AFG2B: variants seen among roughly 807,000 people sequenced by gnomAD.
The protein encoded by AFG2B is ATPase family gene 2 protein homolog B.
the AFG2B span, among the ~76,000 whole-genome samples, chr15:45,406,448 A>G: frequency 1.6e-4 from 25 of 152,190 alleles, no homozygotes; most frequent in Admixed American, 1.6e-3. Flanking sequence ...TAGTGGGAGA[A>G]ATAAGCTTTT....
the AFG2B span, among the ~76,000 whole-genome samples, chr15:45,420,044 C>T: frequency 6.9e-6 from 1 of 145,514 alleles, no homozygotes; most frequent in African/African-American, 2.5e-5. Flanking sequence ...GAACCACTCT[C>T]CTGACTAACA....
At chr15:45,416,492 A>G in the AFG2B span, among the ~76,000 whole-genome samples, 1 of 151,946 alleles carries the variant, frequency 6.6e-6, no homozygotes, top group African/African-American at 2.4e-5. Flanking sequence ...TTCTTTTCCT[A>G]TTTTAAAAAT....
the AFG2B span, chr15:45,418,814 C>A: frequency 8.4e-7 from 1 of 1,188,514 alleles, no homozygotes; most frequent in Non-Finnish European, 1.2e-6. Context: ...GTGGCCCCAT[C>A]CCTCACACAG....
chr15:45,405,378 C>T, the AFG2B span: 133 of 1,614,172 alleles, frequency 8.2e-5, no homozygotes, highest in Admixed American at 4.2e-4. Context: ...GTGATTACCT[C>T]GAAGATGCCC....
the AFG2B span, chr15:45,402,708 T>A: frequency 1.7e-5 from 27 of 1,567,078 alleles, no homozygotes; most frequent in Non-Finnish European, 8.6e-6. Flanking sequence ...CCCGGAGGAG[T>A]CTCAGCCTGA....
the AFG2B span, among the ~76,000 whole-genome samples, chr15:45,418,343 CAAAA>C: frequency 1.9e-4 from 10 of 52,566 alleles, no homozygotes; most frequent in Non-Finnish European, 3.9e-4. Context: ...GACTCCATCT[CAAAA>C]AAAAAAAAAA....
At chr15:45,404,534 C>T in the AFG2B span, among the ~76,000 whole-genome samples, 1 of 152,052 alleles carries the variant, frequency 6.6e-6, no homozygotes, top group Non-Finnish European at 1.5e-5. Context: ...TGGCCGGGCG[C>T]GGTGGCTCAC....
the AFG2B span, among the ~76,000 whole-genome samples, chr15:45,418,070 G>A: frequency 2.6e-5 from 4 of 152,160 alleles, no homozygotes; most frequent in East Asian, 1.9e-4. Context: ...TTAGCCGGGC[G>A]TGGTGGCTCA....
the AFG2B span, chr15:45,417,407 T>C: frequency 6.2e-7 from 1 of 1,613,550 alleles, no homozygotes. Context: ...AAGGTAGTCA[T>C]TTACACATTT....
the AFG2B span, chr15:45,403,233 G>A: frequency 6.5e-7 from 1 of 1,527,636 alleles, no homozygotes; most frequent in South Asian, 1.2e-5. Context: ...TCAGCGCCCC[G>A]GCGCTGCAGG....
the AFG2B span, among the ~76,000 whole-genome samples, chr15:45,409,901 C>G: frequency 2.6e-5 from 4 of 152,072 alleles, no homozygotes; most frequent in African/African-American, 9.7e-5. Context: ...AGCACAAAGA[C>G]TTTTTCAGTT....
At chr15:45,405,630 T>C in the AFG2B span, 1 of 885,124 alleles carries the variant, frequency 1.1e-6, no homozygotes, top group Admixed American at 2.8e-5. Context: ...AGCTGTTGCT[T>C]ATACATTTTA....
the AFG2B span, among the ~76,000 whole-genome samples, chr15:45,413,089 T>C: frequency 6.6e-6 from 1 of 152,222 alleles, no homozygotes; most frequent in Non-Finnish European, 1.5e-5. Flanking sequence ...GTTCACAAGA[T>C]GCATGAGAGA....
chr15:45,405,429 C>T, the AFG2B span: 16 of 1,614,160 alleles, frequency 9.9e-6, no homozygotes, highest in Non-Finnish European at 1.4e-5. Flanking sequence ...GCAGAAATGA[C>T]AGTTGGCTAT....
At chr15:45,421,259 TG>T in the AFG2B span, 1 of 1,315,972 alleles carries the variant, frequency 7.6e-7, no homozygotes, top group African/African-American at 1.5e-5. Flanking sequence ...AATGTGAACT[TG>T]CCTGTCGTTT....
chr15:45,417,208 A>G, the AFG2B span: 2 of 1,569,174 alleles, frequency 1.3e-6, no homozygotes, highest in East Asian at 2.3e-5. Flanking sequence ...CTGATTTATA[A>G]TTTTTAGAAA....
At chr15:45,417,042 T>A in the AFG2B span, 1 of 405,442 alleles carries the variant, frequency 2.5e-6, no homozygotes, top group African/African-American at 2.0e-5. Context: ...GGAGAATGTT[T>A]CTCTTAGCTA....
At chr15:45,406,784 T>C in the AFG2B span, among the ~76,000 whole-genome samples, 1 of 152,250 alleles carries the variant, frequency 6.6e-6, no homozygotes, top group African/African-American at 2.4e-5. Context: ...CCTTTTTACC[T>C]AAATAATTTA....
At chr15:45,415,686 G>A in the AFG2B span, 1 of 1,614,080 alleles carries the variant, frequency 6.2e-7, no homozygotes, top group South Asian at 1.1e-5. Flanking sequence ...AGGATGTGAT[G>A]TTCAAGAACG....
Sources: gnomAD v4.1 joint callset for allele counts (sites outside exome capture counted in the v4.1 genomes callset) on GRCh38, gnomAD v4.1.1 for gene constraint, MANE v1.5 for transcripts, NCBI Gene and HGNC (gene_info 2026-07-23, HGNC 2026-07-21) for gene names.